CCDC102B: variants seen among roughly 807,000 people sequenced by gnomAD.
The protein encoded by CCDC102B is coiled-coil domain containing 102B, also known as coiled-coil domain-containing protein 102B.
In CCDC102B, 75 loss-of-function variants were observed where a neutral mutation model predicts 57.4. The observed-to-expected ratio is 1.31, with a 90% CI of 1.08 to 1.58. The LOEUF (loss-of-function observed/expected upper bound fraction) is 1.58, where lower values mean the gene tolerates loss of function less well. CCDC102B is among the 40% of genes most tolerant of loss of function. CCDC102B has a pLI of 0.00. For missense variants in CCDC102B, 636 were observed against 582.6 expected, an observed-to-expected ratio of 1.09 and a Z score of -0.94; for synonymous variants, 206 against 201.9, an observed-to-expected ratio of 1.02 and a Z score of -0.17.
intron 6 of CCDC102B, among the ~76,000 whole-genome samples, chr18:68,971,327 G>A (rs1190024731): frequency 1.3e-5 from 2 of 151,886 alleles, no homozygotes; most frequent in South Asian, 2.1e-4. Context: ...GCTTATGTTC[G>A]AGTCTACTTT....
upstream of CCDC102B, among the ~76,000 whole-genome samples, chr18:68,797,681 A>G (rs1382023485): frequency 1.3e-5 from 2 of 150,246 alleles, no homozygotes; most frequent in African/African-American, 4.9e-5. Flanking sequence ...ATCAGATTGG[A>G]TGAATATTTT....
intron 7 of CCDC102B, among the ~76,000 whole-genome samples, chr18:69,022,865 G>C (rs1225645376): frequency 3.9e-5 from 6 of 151,966 alleles, no homozygotes; most frequent in Non-Finnish European, 7.4e-5. Context: ...TTCCTAAGGG[G>C]GAAAGGTACA....
intron 6 of CCDC102B, among the ~76,000 whole-genome samples, chr18:69,006,627 G>C (rs1219326319): frequency 7.1e-6 from 1 of 140,466 alleles, no homozygotes; most frequent in African/African-American, 2.8e-5. Flanking sequence ...ATTTTTAGTA[G>C]AGACAGGGTT....
At chr18:69,016,175 A>G (rs936397294) in intron 7 of CCDC102B, among the ~76,000 whole-genome samples, 1 of 151,756 alleles carries the variant, frequency 6.6e-6, no homozygotes, top group African/African-American at 2.4e-5. Context: ...TTTAATTGTT[A>G]TTTCATTATC....
At chr18:68,849,701 A>G (rs1599562508) in intron 4 of CCDC102B, among the ~76,000 whole-genome samples, 1 of 152,174 alleles carries the variant, frequency 6.6e-6, no homozygotes, top group Admixed American at 6.5e-5. Flanking sequence ...GTCCACATTC[A>G]CCTGCCTAAA....
intron 2 of CCDC102B, among the ~76,000 whole-genome samples, chr18:68,768,287 A>G (rs948392303): frequency 2.0e-5 from 3 of 152,210 alleles, no homozygotes; most frequent in African/African-American, 7.2e-5. Flanking sequence ...TTATTCCCCT[A>G]ATGATAGCCT....
chr18:68,855,529 A>G lies in CCDC102B; in HGVS notation c.936+9108A>G, dbSNP rs117867329. 8.6e-3 allele frequency among the ~76,000 whole-genome samples: 1,309 copies of G among 152,324 alleles called. 15 individuals carry two copies. The highest frequency in any genetic ancestry group is 0.037 in the East Asian group (191 of 5,186). ...AAAATACAGTTAAGTGGCTTTTAAT[A>G]TATTTACAGAGTTGTATAACTAATA... On this transcript the variant is annotated intron_variant, in intron 4 of 7. Coordinates refer to ENST00000360242, the MANE Select transcript of CCDC102B (RefSeq NM_024781.3).
chr18:68,755,292 G>A (rs1320461864), intron 2 of CCDC102B, among the ~76,000 whole-genome samples: 1 of 152,106 alleles, frequency 6.6e-6, no homozygotes, highest in African/African-American at 2.4e-5. Flanking sequence ...TTTGCATGAG[G>A]ATCTAATTCA....
intron 5 of CCDC102B, among the ~76,000 whole-genome samples, chr18:68,889,851 G>T (rs190230435): frequency 6.6e-6 from 1 of 152,298 alleles, no homozygotes; most frequent in African/African-American, 2.4e-5. Flanking sequence ...AAGCTAACCA[G>T]TTGGATCCCT....
intron 1 of CCDC102B, among the ~76,000 whole-genome samples, chr18:68,834,432 C>CATATAT (rs67872866): frequency 0.039 from 5,367 of 137,626 alleles, 189 homozygotes; most frequent in African/African-American, 0.088. Context: ...TATGTAAATA[C>CATATAT]ATATATATAT....
At chr18:68,886,691 C>A (rs571992244) in intron 5 of CCDC102B, among the ~76,000 whole-genome samples, 3 of 152,046 alleles carry the variant, frequency 2.0e-5, no homozygotes, top group Non-Finnish European at 4.4e-5. Context: ...TACATAGTAA[C>A]CATTTTGATT....
intron 6 of CCDC102B, among the ~76,000 whole-genome samples, chr18:68,995,124 A>G (rs1300186494): frequency 6.6e-6 from 1 of 152,200 alleles, no homozygotes; most frequent in Non-Finnish European, 1.5e-5. Context: ...GGGGACTGGC[A>G]GCATTTTGCC....
chr18:68,874,915 T>A, intron 5 of CCDC102B, 130 bp downstream of exon 5: 1 of 612,004 alleles, frequency 1.6e-6, no homozygotes, highest in Non-Finnish European at 2.9e-6. Flanking sequence ...GCTGCTAATG[T>A]AATCAGCTTA....
rs141709334 is a variant in CCDC102B, at chr18:68,935,890, A to G, written c.1263+38462A>G. ...ACCTGCTGATGCCTGAGAACTGTCC[A>G]TGGTTCCCACTCTCCTCCTCATGTT... On this transcript the variant is annotated intron_variant, in intron 6 of 7. Transcript: ENST00000360242. Among the ~76,000 whole-genome samples the G allele has an allele frequency of 5.3e-5, 8 of 151,966 alleles. 1 individual carries two copies. In the East Asian group the frequency reaches 1.6e-3, roughly 30 times the overall value.
intron 6 of CCDC102B, among the ~76,000 whole-genome samples, chr18:68,903,818 G>C (rs1165614351): frequency 6.6e-6 from 1 of 152,090 alleles, no homozygotes; most frequent in Non-Finnish European, 1.5e-5. Context: ...AAGTCAGTGT[G>C]CCCGGGCAGT....
chr18:69,014,699 G>T (rs1231288154), intron 7 of CCDC102B, among the ~76,000 whole-genome samples: 1 of 151,748 alleles, frequency 6.6e-6, no homozygotes, highest in East Asian at 1.9e-4. Context: ...TAATCACGAG[G>T]TGTTTTTTTT....
intron 2 of CCDC102B, among the ~76,000 whole-genome samples, chr18:68,769,078 A>AC (rs2034554503): frequency 6.6e-6 from 1 of 151,890 alleles, no homozygotes; most frequent in Non-Finnish European, 1.5e-5. Context: ...ACATGGAGAA[A>AC]CCCCATCTCT....
rs147642957 is a variant in CCDC102B, at chr18:69,030,576, A to G, written c.1434+19472A>G. 2.0e-3 allele frequency among the ~76,000 whole-genome samples: 303 copies of G among 152,354 alleles called. 3 individuals carry two copies. Among genetic ancestry groups the G allele is most frequent in the East Asian group, 0.016 (83 of 5,186 alleles). On this transcript the variant is annotated intron_variant, in intron 7 of 7. Transcript: ENST00000360242. ...ATCTTTTCTTGTTCTTTGAACTTCC[A>G]CAAGAATATGGTCAATAATTATGTT...
chr18:68,741,701 ACACACACACACAC>A (rs1568227107), intron 2 of CCDC102B, among the ~76,000 whole-genome samples: 7 of 117,688 alleles, frequency 5.9e-5, no homozygotes, highest in African/African-American at 2.3e-4. Flanking sequence ...ACACACACAC[ACACACACACACAC>A]CCCAAGACAA....
Sources: allele counts gnomAD v4.1 joint callset (sites outside exome capture counted in the v4.1 genomes callset), GRCh38; gene constraint gnomAD v4.1.1; transcripts MANE v1.5; gene names NCBI Gene and HGNC (gene_info 2026-07-23, HGNC 2026-07-21).